TTC23L: variants seen among roughly 807,000 people sequenced by gnomAD.
The protein encoded by TTC23L is tetratricopeptide repeat protein 23-like.
TTC23L carries 42 observed loss-of-function variants against 48.1 expected under a neutral mutation model. That is an observed-to-expected ratio of 0.87 (90% CI 0.68 to 1.13). The LOEUF (loss-of-function observed/expected upper bound fraction) is 1.13. TTC23L is among the 50% of genes most tolerant of loss of function. The pLI, the probability that TTC23L is intolerant of heterozygous loss-of-function variation, is 0.00. For synonymous variants in TTC23L, 159 were observed against 157.2 expected (o/e 1.01, Z -0.09); for missense variants, 391 against 421.0 (o/e 0.93, Z 0.62).
Position 34,896,894 on chromosome 5 carries a change from T to A in TTC23L, c.*97+19T>A. On this transcript the variant is annotated intron_variant, in intron 10 of 10. Transcript: ENST00000505624. ...AGGAATGGTAAGTACTTTACAGCTGTTGTACAGGGCAGCATGTCCTGAAAG... is the reference window on the plus strand; with the variant it reads ...AGGAATGGTAAGTACTTTACAGCTGATGTACAGGGCAGCATGTCCTGAAAG... 1 of 713,670 alleles carries A rather than the reference T, an allele frequency of 1.4e-6. No homozygotes were observed. Among genetic ancestry groups the A allele is most frequent in the Non-Finnish European group, 2.6e-6 (1 of 384,366 alleles). The allele number at this position is 713,670 out of a possible 1,614,324, so 44.2% of individuals were successfully genotyped here. A position where few individuals can be genotyped will look rare whatever the true frequency, so the allele number is the denominator to read the frequency against.
At chr5:34,846,671 G>A (rs911992651) in intron 3 of TTC23L, among the ~76,000 whole-genome samples, 15 of 68,092 alleles carry the variant, frequency 2.2e-4, no homozygotes, top group Non-Finnish European at 4.0e-4. Flanking sequence ...GTGTGTATGT[G>A]TGTGTGTGTG....
At chr5:34,852,529 A>C (rs946247774) in intron 4 of TTC23L, among the ~76,000 whole-genome samples, 1 of 152,212 alleles carries the variant, frequency 6.6e-6, no homozygotes. Flanking sequence ...GGCAAAGACC[A>C]GTTAGGCCGT....
At chr5:34,883,673 A>G (rs1479997348) in intron 9 of TTC23L, among the ~76,000 whole-genome samples, 1 of 152,222 alleles carries the variant, frequency 6.6e-6, no homozygotes, top group Non-Finnish European at 1.5e-5. Flanking sequence ...GATAACCTAA[A>G]AGAAAAGGAT....
chr5:34,919,933 G>A, the TTC23L span: 4 of 687,006 alleles, frequency 5.8e-6, no homozygotes, highest in Non-Finnish European at 7.4e-6. Context: ...TGTTAACAGT[G>A]GCTTATTTCA....
the TTC23L span, chr5:34,909,272 C>G: frequency 6.2e-7 from 1 of 1,608,156 alleles, no homozygotes; most frequent in South Asian, 1.1e-5. Context: ...TGACTTGGGT[C>G]TGATTACAAT....
chr5:34,924,947 A>C, the TTC23L span: 1 of 1,613,558 alleles, frequency 6.2e-7, no homozygotes, highest in Non-Finnish European at 8.5e-7. Flanking sequence ...ACTTTATATG[A>C]AAATCCTCAC....
At chr5:34,846,576 A>AAAAAAAAT (rs1208315692) in intron 3 of TTC23L, among the ~76,000 whole-genome samples, 1 of 98,346 alleles carries the variant, frequency 1.0e-5, no homozygotes, top group African/African-American at 6.3e-5. Context: ...AAAAAAAAAA[A>AAAAAAAAT]ATATATATAT....
At chr5:34,882,201 C>A (rs1483170424) in intron 9 of TTC23L, among the ~76,000 whole-genome samples, 2 of 152,152 alleles carry the variant, frequency 1.3e-5, no homozygotes, top group Non-Finnish European at 2.9e-5. Context: ...TTGTGACAAA[C>A]CACCAGTACC....
intron 2 of TTC23L, among the ~76,000 whole-genome samples, chr5:34,841,311 G>C (rs1758652354): frequency 6.6e-6 from 1 of 152,066 alleles, no homozygotes; most frequent in South Asian, 2.1e-4. Flanking sequence ...AATACTTATT[G>C]AGCACATACT....
rs1017950618 is a variant in TTC23L at position 34,848,848 on chromosome 5, G to A, written c.256-1337G>A. Among the ~76,000 whole-genome samples the A allele has an allele frequency of 2.0e-5, 3 of 152,314 alleles. No individual in the cohort carries two copies. The East Asian group carries it at 5.8e-4, about 29-fold the overall frequency. On this transcript the variant is annotated intron_variant, in intron 3 of 10. Coordinates refer to ENST00000505624, the Ensembl canonical transcript of TTC23L. ...ATTATGCAGAGCCTTGGAAGCCATG[G>A]TGAGGACTTTGAATTATATTAAGAA...
chr5:34,870,205 T>C (rs950952013), intron 8 of TTC23L, among the ~76,000 whole-genome samples: 1 of 151,978 alleles, frequency 6.6e-6, no homozygotes, highest in Non-Finnish European at 1.5e-5. Flanking sequence ...TAACATTTTA[T>C]GCACCAAAAC....
At chr5:34,882,625 A>G (rs1762295890) in intron 9 of TTC23L, among the ~76,000 whole-genome samples, 1 of 76,310 alleles carries the variant, frequency 1.3e-5, no homozygotes, top group Non-Finnish European at 4.3e-5. Context: ...GACTACACAC[A>G]CACACACACA....
chr5:34,923,019 C>T, the TTC23L span: 9 of 1,538,468 alleles, frequency 5.8e-6, no homozygotes, highest in African/African-American at 4.1e-5. Flanking sequence ...TGAATTACCA[C>T]ATTATGCTTT....
chr5:34,886,694 ATG>A (rs1196092567), intron 9 of TTC23L, among the ~76,000 whole-genome samples: 47 of 152,060 alleles, frequency 3.1e-4, no homozygotes, highest in African/African-American at 1.0e-3. Context: ...TTTTTAAGTG[ATG>A]TGTTATCTTT....
chr5:34,925,153 C>A, the TTC23L span: 2 of 1,461,444 alleles, frequency 1.4e-6, no homozygotes, highest in South Asian at 1.4e-5. Context: ...TGGTTCATAA[C>A]TGAAAGTCTT....
At chr5:34,908,619 A>G in the TTC23L span, 4 of 646,512 alleles carry the variant, frequency 6.2e-6, no homozygotes, top group Non-Finnish European at 1.1e-5. Context: ...CATAGTAACT[A>G]TTAGGGTACA....
chr5:34,923,771 T>C, the TTC23L span, among the ~76,000 whole-genome samples: 26 of 152,288 alleles, frequency 1.7e-4, no homozygotes, highest in African/African-American at 5.5e-4. Flanking sequence ...TGCAAATAAT[T>C]CTTTTGTTTT....
At chr5:34,867,751 G>A (rs1761179532) in intron 7 of TTC23L, 1 of 152,592 alleles carries the variant, frequency 6.6e-6, no homozygotes, top group Non-Finnish European at 1.5e-5. Context: ...TCATAGAAAA[G>A]GTGCAATGCA....
chr5:34,898,598 T>G (rs990086378), intron 10 of TTC23L, among the ~76,000 whole-genome samples: 7 of 152,164 alleles, frequency 4.6e-5, no homozygotes, highest in African/African-American at 1.7e-4. Context: ...TGTGCCTATT[T>G]CTTCAGCTAA....
Sources: gnomAD v4.1 joint callset for allele counts (sites outside exome capture counted in the v4.1 genomes callset) on GRCh38, gnomAD v4.1.1 for gene constraint, MANE v1.5 for transcripts, NCBI Gene and HGNC (gene_info 2026-07-23, HGNC 2026-07-21) for gene names.